The following ANK2 variants were observed in gnomAD, a reference collection of about 807,000 sequenced individuals.
The protein encoded by ANK2 is ankyrin-2.
ANK2 carries 83 observed loss-of-function variants against 360.5 expected under a neutral mutation model. The observed-to-expected ratio is 0.23, with a 90% CI of 0.19 to 0.28. The LOEUF (loss-of-function observed/expected upper bound fraction) is 0.28. Ranked by LOEUF, ANK2 falls within the 10% of genes least tolerant of loss-of-function variation. The pLI, the probability that ANK2 is intolerant of heterozygous loss-of-function variation, is 1.00. For missense variants in ANK2, 4,201 were observed against 4,795.7 expected, an observed-to-expected ratio of 0.88 and a Z score of 3.66; for synonymous variants, 1,740 against 1,759.5, an observed-to-expected ratio of 0.99 and a Z score of 0.28.
chr4:113,251,132 C>A (rs2046115762), intron 10 of ANK2, among the ~76,000 whole-genome samples: 1 of 152,062 alleles, frequency 6.6e-6, no homozygotes, highest in Admixed American at 6.5e-5. Context: ...ATGGAAATAA[C>A]AAAATTTCAG....
intron 41 of ANK2, among the ~76,000 whole-genome samples, chr4:113,366,375 A>G (rs1052062953): frequency 1.4e-5 from 2 of 140,614 alleles, no homozygotes; most frequent in Admixed American, 7.0e-5. Flanking sequence ...CTTAAATTTC[A>G]TGACATTCTT....
At chr4:113,287,776 C>A (rs1362178467) in intron 19 of ANK2, 73 bp downstream of exon 19, 1 of 1,284,476 alleles carries the variant, frequency 7.8e-7, no homozygotes, top group East Asian at 2.4e-5. Context: ...ATTCGGGTCA[C>A]CCCATGTCCA....
the ANK2 span, among the ~76,000 whole-genome samples, chr4:112,780,767 C>G: frequency 3.3e-5 from 5 of 152,024 alleles, no homozygotes; most frequent in African/African-American, 1.2e-4. Context: ...CATCTGATCT[C>G]GTGAGAACTC....
At chr4:113,285,629 A>AGGAAGCTCCAAGTGTTCAGTTATCT (rs1563428236) in intron 18 of ANK2, among the ~76,000 whole-genome samples, 2 of 152,196 alleles carry the variant, frequency 1.3e-5, no homozygotes, top group African/African-American at 4.8e-5. Context: ...ACCCTCCACA[A>AGGAAGCTCCAAGTGTTCAGTTATCT]GGAAGCTCCA....
chr4:113,323,890 A>G, intron 26 of ANK2: 1 of 1,164,286 alleles, frequency 8.6e-7, no homozygotes, highest in East Asian at 2.6e-5. Flanking sequence ...AGGATGCTTT[A>G]GTGTGAAGAT....
intron 2 of ANK2, among the ~76,000 whole-genome samples, chr4:113,191,580 C>T (rs550260631): frequency 6.6e-6 from 1 of 152,238 alleles, no homozygotes; most frequent in African/African-American, 2.4e-5. Flanking sequence ...CAATTCATCT[C>T]ATCACATTTA....
chr4:112,958,805 T>C (rs1332341919), intron 2 of ANK2, among the ~76,000 whole-genome samples: 3 of 152,194 alleles, frequency 2.0e-5, no homozygotes, highest in South Asian at 4.1e-4. Flanking sequence ...TTTTGAAATT[T>C]GAAATCTTAA....
intron 1 of ANK2, among the ~76,000 whole-genome samples, chr4:112,859,073 ACT>A (rs2067192344): frequency 6.6e-6 from 1 of 152,204 alleles, no homozygotes; most frequent in Non-Finnish European, 1.5e-5. Flanking sequence ...TCTTCCTAGA[ACT>A]TTCCATGAAA....
At chr4:112,839,904 C>T (rs1579428296) in intron 1 of ANK2, among the ~76,000 whole-genome samples, 1 of 152,142 alleles carries the variant, frequency 6.6e-6, no homozygotes, top group East Asian at 1.9e-4. Context: ...AGGGAAAAAC[C>T]TCTTAAAAAT....
intron 2 of ANK2, among the ~76,000 whole-genome samples, chr4:112,937,890 CA>C (rs1486213113): frequency 6.6e-6 from 1 of 152,078 alleles, no homozygotes; most frequent in Non-Finnish European, 1.5e-5. Context: ...TGGCCTTGGG[CA>C]AGTTATTCCA....
At chr4:112,894,510 T>C (rs1216787240) in intron 1 of ANK2, among the ~76,000 whole-genome samples, 2 of 152,140 alleles carry the variant, frequency 1.3e-5, no homozygotes, top group Non-Finnish European at 2.9e-5. Flanking sequence ...TATGTAAGAG[T>C]TGACGATAAT....
At chr4:113,080,410 C>T (rs1160452500) in intron 1 of ANK2, among the ~76,000 whole-genome samples, 2 of 152,054 alleles carry the variant, frequency 1.3e-5, no homozygotes. Flanking sequence ...TTTCTTAGAA[C>T]GGTTTATCAT....
chr4:112,720,459 A>G, the ANK2 span, among the ~76,000 whole-genome samples: 1 of 152,180 alleles, frequency 6.6e-6, no homozygotes, highest in Non-Finnish European at 1.5e-5. Context: ...TGGGTCTTAT[A>G]TGGACTATAT....
chr4:113,109,018 C>T (rs1220558813), intron 1 of ANK2, among the ~76,000 whole-genome samples: 1 of 151,950 alleles, frequency 6.6e-6, no homozygotes, highest in Middle Eastern at 3.2e-3. Flanking sequence ...TCCCGTAGTA[C>T]ATATTGTTTC....
intron 20 of ANK2, among the ~76,000 whole-genome samples, chr4:113,291,383 G>A (rs1327459502): frequency 2.0e-5 from 3 of 152,172 alleles, no homozygotes; most frequent in East Asian, 3.8e-4. Flanking sequence ...CAGGTTTCCT[G>A]GGGTCATCCC....
At chr4:112,923,003 C>T (rs546920672) in intron 2 of ANK2, among the ~76,000 whole-genome samples, 20 of 152,050 alleles carry the variant, frequency 1.3e-4, no homozygotes, top group African/African-American at 3.6e-4. Flanking sequence ...CAAAAAATAC[C>T]TTGAATTTAT....
intron 14 of ANK2, among the ~76,000 whole-genome samples, chr4:113,271,105 C>T (rs762954353): frequency 3.9e-5 from 6 of 152,174 alleles, no homozygotes; most frequent in Admixed American, 6.5e-5. Flanking sequence ...CCTCTGATTC[C>T]GCATCTTTCT....
intron 2 of ANK2, among the ~76,000 whole-genome samples, chr4:113,007,991 A>G (rs1363894588): frequency 2.6e-5 from 4 of 152,288 alleles, no homozygotes. Flanking sequence ...AAATCTTGCC[A>G]CAACAGCATA....
At chr4:112,913,963 T>G (rs2088741868) in intron 2 of ANK2, among the ~76,000 whole-genome samples, 1 of 152,196 alleles carries the variant, frequency 6.6e-6, no homozygotes, top group South Asian at 2.1e-4. Flanking sequence ...TGAGTAATAG[T>G]AACATCTATA....
Sources: gnomAD v4.1 joint callset for allele counts (sites outside exome capture counted in the v4.1 genomes callset) on GRCh38, gnomAD v4.1.1 for gene constraint, MANE v1.5 for transcripts, NCBI Gene and HGNC (gene_info 2026-07-23, HGNC 2026-07-21) for gene names.